NRXN2: variants seen among roughly 807,000 people sequenced by gnomAD.
NRXN2 encodes neurexin-2-beta.
A neutral mutation model predicts 128.8 loss-of-function variants in NRXN2; 29 were observed. The observed-to-expected ratio is 0.23, with a 90% CI of 0.17 to 0.31. The LOEUF (loss-of-function observed/expected upper bound fraction) is 0.31. NRXN2 is among the 10% of genes least tolerant of loss of function. The pLI, the probability that NRXN2 is intolerant of heterozygous loss-of-function variation, is 1.00. For missense variants in NRXN2, 1,881 were observed against 2,452.6 expected, an observed-to-expected ratio of 0.77 and a Z score of 4.92; for synonymous variants, 1,098 against 1,075.2, an observed-to-expected ratio of 1.02 and a Z score of -0.41.
Position 64,607,949 on chromosome 11 carries a change from C to A in NRXN2, c.4386G>T (p.Thr1462=). 1 of 1,294,100 alleles carries A rather than the reference C, an allele frequency of 7.7e-7. No homozygotes were observed. 80.2% of individuals were successfully genotyped at this position (1,294,100 alleles called of 1,614,324 possible). A position where few individuals can be genotyped will look rare whatever the true frequency, so the allele number is the denominator to read the frequency against. Residue 1462 remains threonine, a synonymous_variant, in exon 23 of 23, where the codon ACG becomes ACT. Coordinates refer to ENST00000265459, the MANE Select transcript of NRXN2 (RefSeq NM_015080.4). The part of the protein sequence containing the change: ...FLTGVGATQD[T]LPPPAARRPP... ...GGCGGCGCGCGGCGGGCGGGGGCAG[C>A]GTGTCTTGGGTGGCGCCCACTCCCG...
At chr11:64,637,005 A>C (rs1210997257) in intron 17 of NRXN2, among the ~76,000 whole-genome samples, 1 of 152,102 alleles carries the variant, frequency 6.6e-6, no homozygotes, top group Admixed American at 6.5e-5. Context: ...TGAGGAGAGA[A>C]GGGAAGATTG....
intron 12 of NRXN2, among the ~76,000 whole-genome samples, chr11:64,652,880 C>T (rs2047673348): frequency 6.6e-6 from 1 of 152,158 alleles, no homozygotes. Flanking sequence ...ACATACTTAT[C>T]TTTCAAATGC....
intron 19 of NRXN2, among the ~76,000 whole-genome samples, chr11:64,626,904 G>A (rs1007171644): frequency 1.3e-5 from 2 of 152,174 alleles, no homozygotes; most frequent in African/African-American, 2.4e-5. Context: ...ATCCCAAAGT[G>A]GGGGGCGGGC....
chr11:64,629,860 C>A (rs934856342), intron 19 of NRXN2, among the ~76,000 whole-genome samples: 1 of 152,168 alleles, frequency 6.6e-6, no homozygotes, highest in Non-Finnish European at 1.5e-5. Flanking sequence ...CTCTGAGTCT[C>A]CGTGGCTACT....
rs943228768 is a variant in NRXN2, at chr11:64,606,642, G to A, written c.*554C>T. 3.6e-4 allele frequency: 2 copies of A among 5,560 alleles called. No individual in the cohort carries two copies. Among genetic ancestry groups the A allele is most frequent in the Non-Finnish European group, 7.0e-4 (2 of 2,860 alleles). 0.3% of individuals were successfully genotyped at this position (5,560 alleles called of 1,614,324 possible). ...CTGGGCCACTCGGGCCCACCCTCCCGCCCTTCTCCCACCGACTCTGGAAAC... is the reference window on the plus strand; with the variant it reads ...CTGGGCCACTCGGGCCCACCCTCCCACCCTTCTCCCACCGACTCTGGAAAC... On this transcript the variant is annotated 3_prime_UTR_variant, in exon 23 of 23. Coordinates refer to ENST00000265459, the MANE Select transcript of NRXN2 (RefSeq NM_015080.4).
chr11:64,706,041 C>G (rs1225399956), intron 2 of NRXN2, among the ~76,000 whole-genome samples: 1 of 92,884 alleles, frequency 1.1e-5, no homozygotes, highest in African/African-American at 4.5e-5. Flanking sequence ...CACTTCACTC[C>G]CAGCTCCCTA....
At position 64,714,514 on chromosome 11, in the gene NRXN2, T is replaced by G. The variant is rs1010967454; in HGVS notation, c.-244-571A>C. On this transcript the variant is annotated intron_variant, in intron 1 of 22. Coordinates refer to ENST00000265459, the MANE Select transcript of NRXN2 (RefSeq NM_015080.4). This position sits in a 1 kb window ranked among gnomAD's most constrained non-coding sequence, Gnocchi z 4.5. ...AGAGAAGCCAGCCAGGACCCAGATA[T>G]CCAGGCCCCAAGCCCTCTCCATCCA... Among the ~76,000 whole-genome samples the G allele has an allele frequency of 1.3e-5, 2 of 151,894 alleles. No homozygotes were observed. The highest frequency in any genetic ancestry group is 2.9e-5 in the Non-Finnish European group (2 of 67,968).
intron 1 of NRXN2, among the ~76,000 whole-genome samples, chr11:64,718,913 A>G (rs918748896): frequency 2.6e-5 from 4 of 152,152 alleles, no homozygotes; most frequent in Non-Finnish European, 5.9e-5. Context: ...CAGTGGTTAG[A>G]GGCACTGGCT....
chr11:64,645,027 G>A (rs966156437), intron 17 of NRXN2, among the ~76,000 whole-genome samples: 6 of 152,104 alleles, frequency 3.9e-5, no homozygotes, highest in Non-Finnish European at 8.8e-5. Flanking sequence ...TGAAGAAAGC[G>A]GTCCTCAGAG....
At chr11:64,645,475 A>C (rs905905704) in intron 17 of NRXN2, among the ~76,000 whole-genome samples, 1 of 152,104 alleles carries the variant, frequency 6.6e-6, no homozygotes, top group Admixed American at 6.5e-5. Context: ...GGCAGGAGAC[A>C]GGCTCTGAAA....
At chr11:64,720,191 G>A (rs1368318254) in intron 1 of NRXN2, among the ~76,000 whole-genome samples, 1 of 152,206 alleles carries the variant, frequency 6.6e-6, no homozygotes, top group African/African-American at 2.4e-5. Context: ...GTGGCAGTGG[G>A]GAAGCAGCTT....
chr11:64,651,891 T>C lies in NRXN2; in HGVS notation c.2536+144A>G. 3 of 1,322,668 alleles carry C rather than the reference T, an allele frequency of 2.3e-6. No homozygotes were observed. Among genetic ancestry groups the C allele is most frequent in the Admixed American group, 1.8e-5 (1 of 57,060 alleles). 81.9% of individuals were successfully genotyped at this position (1,322,668 alleles called of 1,614,324 possible). On this transcript the variant is annotated intron_variant, in intron 13 of 22. Transcript: ENST00000265459. The surrounding 1 kb of genome is among the most constrained non-coding windows in gnomAD (Gnocchi z 5.9). Reference sequence around the variant, plus strand: ...CCTGGGGTCCAGATGCCCATAACATTCCACCCCTGAAGGAGAAATGGCAGA... The same window carrying C: ...CCTGGGGTCCAGATGCCCATAACATCCCACCCCTGAAGGAGAAATGGCAGA...
chr11:64,683,587 T>G (rs2052599549), intron 6 of NRXN2, among the ~76,000 whole-genome samples: 1 of 142,764 alleles, frequency 7.0e-6, no homozygotes, highest in Admixed American at 7.3e-5. Context: ...GCCGCTGCAC[T>G]CCAGCTTGGG....
intron 7 of NRXN2, among the ~76,000 whole-genome samples, chr11:64,671,121 G>T (rs941405351): frequency 2.0e-5 from 3 of 152,106 alleles, no homozygotes; most frequent in Non-Finnish European, 2.9e-5. Context: ...GCTTTTTGCA[G>T]ATCACTCCCA....
intron 9 of NRXN2, among the ~76,000 whole-genome samples, chr11:64,664,479 A>AG (rs35710846): frequency 1.5e-5 from 1 of 68,898 alleles, no homozygotes; most frequent in African/African-American, 1.4e-4. Flanking sequence ...ACTCCGTGTC[A>AG]AAAAAAAAAA....
intron 17 of NRXN2, among the ~76,000 whole-genome samples, chr11:64,647,688 C>T (rs990658855): frequency 2.0e-5 from 3 of 152,196 alleles, no homozygotes; most frequent in Non-Finnish European, 4.4e-5. Context: ...AACCAGCTGT[C>T]CAGCAGCCTG....
At position 64,620,165 on chromosome 11, in the gene NRXN2, G is replaced by T. The variant is rs1254154980; in HGVS notation, c.4252+129C>A. The T allele has an allele frequency of 6.9e-6, 5 of 728,594 alleles. No individual in the cohort carries two copies. The African/African-American group carries it at 7.0e-5, about 10-fold the overall frequency. 45.1% of individuals were successfully genotyped at this position (728,594 alleles called of 1,614,324 possible). A position where few individuals can be genotyped will look rare whatever the true frequency, so the allele number is the denominator to read the frequency against. ...GGACTGGGAGGATGTTAGGCAAGGG[G>T]GAACTATCAGGGAAAGCTAAGGCCT... On this transcript the variant is annotated intron_variant, in intron 22 of 22. Coordinates refer to ENST00000265459, the MANE Select transcript of NRXN2 (RefSeq NM_015080.4).
At chr11:64,645,697 C>T (rs1453879335) in intron 17 of NRXN2, among the ~76,000 whole-genome samples, 1 of 152,096 alleles carries the variant, frequency 6.6e-6, no homozygotes, top group Non-Finnish European at 1.5e-5. Flanking sequence ...AGGAGTAGTC[C>T]CCATGTCACA....
In NRXN2 at chr11:64,607,644, T is replaced by C. The variant is rs1441582813; in HGVS notation, c.4691A>G (p.Lys1564Arg). 1 of 1,521,444 alleles carries C rather than the reference T, an allele frequency of 6.6e-7. No homozygotes were observed. Among genetic ancestry groups the C allele is most frequent in the Non-Finnish European group, 8.8e-7 (1 of 1,133,934 alleles). The allele number at this position is 1,521,444 out of a possible 1,614,324, so 94.2% of individuals were successfully genotyped here. Residue 1564 changes from lysine to arginine, a missense_variant, in exon 23 of 23, where the codon AAA becomes AGA. Physicochemically the swap from Lys to Arg is conservative, Grantham distance 26. Around this residue, in one of 7 missense-constraint regions of NRXN2, gnomAD observed 310 missense variants for 318.2 expected, o/e 0.97. Transcript: ENST00000265459. ...CTGAAGCGGGTCTCGGTGGTTCATTTTGCCCGCCGGCAGGTTGGGGGCCGG... is the reference window on the plus strand; with the variant it reads ...CTGAAGCGGGTCTCGGTGGTTCATTCTGCCCGCCGGCAGGTTGGGGGCCGG... Reference protein sequence around the residue: ...SAPAPNLPAGKMNHRDPLQPL... With the variant: ...SAPAPNLPAGRMNHRDPLQPL...
Sources: gnomAD v4.1 joint callset for allele counts (sites outside exome capture counted in the v4.1 genomes callset) on GRCh38, gnomAD v4.1.1 for gene constraint, gnomAD v4.1.1 regional missense constraint, Gnocchi (gnomAD v3.1) non-coding constraint, MANE v1.5 for transcripts, NCBI Gene and HGNC (gene_info 2026-07-23, HGNC 2026-07-21) for gene names.